The following CDK14 variants were observed in gnomAD, a reference collection of about 807,000 sequenced individuals.
CDK14 encodes the protein cyclin dependent kinase 14.
CDK14 carries 34 observed loss-of-function variants against 60.7 expected under a neutral mutation model. The ratio of observed to expected loss-of-function variants is 0.56; its 90% CI spans 0.43 to 0.75. CDK14 has a LOEUF of 0.75. CDK14 is among the 30% of genes least tolerant of loss of function. The pLI, the probability that CDK14 is intolerant of heterozygous loss-of-function variation, is 0.00. For synonymous variants in CDK14, 197 were observed against 203.7 expected (o/e 0.97, Z 0.28); for missense variants, 482 against 564.1 (o/e 0.85, Z 1.47).
intron 7 of CDK14, among the ~76,000 whole-genome samples, chr7:90,916,124 T>G (rs1251030274): frequency 6.6e-6 from 1 of 152,200 alleles, no homozygotes; most frequent in African/African-American, 2.4e-5. Flanking sequence ...TCTTTCCTTC[T>G]AAACTAAAGG....
At chr7:90,674,009 A>G (rs1308895443) in intron 2 of CDK14, among the ~76,000 whole-genome samples, 1 of 152,204 alleles carries the variant, frequency 6.6e-6, no homozygotes, top group East Asian at 1.9e-4. Flanking sequence ...ATTGGGATGA[A>G]TGTATTATTA....
At position 91,112,558 on chromosome 7, in the gene CDK14, C is replaced by T. The variant is rs867080085; in HGVS notation, c.1171C>T (p.His391Tyr). The T allele has an allele frequency of 6.2e-7, 1 of 1,613,344 alleles. No individual in the cohort carries two copies. Among genetic ancestry groups the T allele is most frequent in the Non-Finnish European group, 8.5e-7 (1 of 1,179,596 alleles). The stretch of plus-strand genomic sequence containing the variant: ...TGTTTTTAGGCTCAGCTATGTGAAC[C>T]ATGCAGAGGACCTGGCCTCCAAGCT... ...QAWNKLSYVNHAEDLASKLLQ... is the reference protein window; with the variant it reads ...QAWNKLSYVNYAEDLASKLLQ... Residue 391 changes from histidine to tyrosine, a missense_variant, in exon 13 of 15, where the codon CAT becomes TAT. Coordinates refer to ENST00000380050, the MANE Select transcript of CDK14 (RefSeq NM_001287135.2).
At chr7:90,806,492 C>T (rs1274388908) in intron 5 of CDK14, among the ~76,000 whole-genome samples, 6 of 152,106 alleles carry the variant, frequency 3.9e-5, no homozygotes, top group Admixed American at 1.3e-4. Context: ...ATATGAATGG[C>T]GAAGATGGCC....
At position 90,899,318 on chromosome 7, in the gene CDK14, A is replaced by G. The variant is rs1169137821; in HGVS notation, c.667A>G (p.Lys223Glu). Residue 223 changes from lysine (K) to glutamate (E), a missense_variant, in exon 7 of 15, where the codon AAG becomes GAG. Transcript: ENST00000380050. ...VHTDLCQYMD[K>E]HPGGLHPDNV... ...CACTGATTTATGTCAGTACATGGAC[A>G]AGCACCCTGGGGGGCTGCATCCAGA... is the stretch of plus-strand genomic sequence containing the variant. 1 of 1,603,168 alleles carries G rather than the reference A, an allele frequency of 6.2e-7. No individual in the cohort carries two copies. Among genetic ancestry groups the G allele is most frequent in the South Asian group, 1.1e-5 (1 of 88,688 alleles).
At chr7:91,189,163 C>A (rs574443409) in intron 14 of CDK14, among the ~76,000 whole-genome samples, 5 of 152,040 alleles carry the variant, frequency 3.3e-5, no homozygotes, top group Non-Finnish European at 7.4e-5. Flanking sequence ...CTTCTTCTTT[C>A]CTTTATGAAT....
chr7:90,943,709 C>G (rs1562838695), intron 8 of CDK14, among the ~76,000 whole-genome samples: 1 of 152,154 alleles, frequency 6.6e-6, no homozygotes, highest in African/African-American at 2.4e-5. Flanking sequence ...TAAAGGGGAT[C>G]TTGAGCTTTA....
At chr7:91,114,122 T>A (rs1799545271) in intron 13 of CDK14, among the ~76,000 whole-genome samples, 1 of 152,128 alleles carries the variant, frequency 6.6e-6, no homozygotes, top group Non-Finnish European at 1.5e-5. Flanking sequence ...AAACATATGG[T>A]TTGTTTTCCC....
intron 6 of CDK14, among the ~76,000 whole-genome samples, chr7:90,898,880 G>C (rs1274816978): frequency 6.6e-6 from 1 of 151,548 alleles, no homozygotes; most frequent in South Asian, 2.1e-4. Flanking sequence ...ATATATTTGT[G>C]GTATTTTTAT....
intron 10 of CDK14, among the ~76,000 whole-genome samples, chr7:91,039,574 T>C (rs952463309): frequency 2.0e-5 from 3 of 152,196 alleles, no homozygotes; most frequent in African/African-American, 7.2e-5. Flanking sequence ...GGGATATCCT[T>C]TGCCTACTCT....
At chr7:90,865,147 C>CT (rs1398049460) in intron 6 of CDK14, among the ~76,000 whole-genome samples, 1 of 151,870 alleles carries the variant, frequency 6.6e-6, no homozygotes, top group African/African-American at 2.4e-5. Context: ...TAACATTTTG[C>CT]TTTTTTGCTG....
At chr7:90,697,348 T>C (rs918997761) in intron 2 of CDK14, among the ~76,000 whole-genome samples, 3 of 152,124 alleles carry the variant, frequency 2.0e-5, no homozygotes, top group Non-Finnish European at 4.4e-5. Context: ...CTTTTTGCAT[T>C]GTGGTGCTAA....
intron 14 of CDK14, among the ~76,000 whole-genome samples, chr7:91,185,017 G>A (rs937375542): frequency 2.6e-5 from 4 of 151,018 alleles, no homozygotes; most frequent in East Asian, 1.9e-4. Context: ...CATACATTGC[G>A]AGTGGTAGCC....
chr7:90,663,737 A>G (rs774858911), intron 2 of CDK14, among the ~76,000 whole-genome samples: 2 of 152,220 alleles, frequency 1.3e-5, no homozygotes, highest in Non-Finnish European at 2.9e-5. Flanking sequence ...TTTGCATTTT[A>G]ATAGTACCTT....
chr7:91,117,204 G>A (rs1278663402), intron 13 of CDK14, among the ~76,000 whole-genome samples: 8 of 150,532 alleles, frequency 5.3e-5, no homozygotes. Flanking sequence ...GTTGATGGAA[G>A]GTATCCCTAA....
intron 6 of CDK14, among the ~76,000 whole-genome samples, chr7:90,889,158 A>T (rs374251147): frequency 3.3e-4 from 50 of 152,204 alleles, no homozygotes; most frequent in African/African-American, 1.0e-3. Context: ...ATATATATGG[A>T]TATAGAAATA....
intron 14 of CDK14, among the ~76,000 whole-genome samples, chr7:91,134,347 C>G (rs1257785851): frequency 6.6e-6 from 1 of 152,134 alleles, no homozygotes; most frequent in Admixed American, 6.5e-5. Context: ...ATCTCCTGAT[C>G]ATGGCATTGT....
At chr7:91,059,489 G>C (rs1797708438) in intron 11 of CDK14, among the ~76,000 whole-genome samples, 1 of 151,964 alleles carries the variant, frequency 6.6e-6, no homozygotes, top group South Asian at 2.1e-4. Flanking sequence ...TCTTTTAATT[G>C]TGATGTTAGG....
intron 10 of CDK14, among the ~76,000 whole-genome samples, chr7:91,018,434 G>A (rs1011643646): frequency 6.6e-6 from 1 of 151,874 alleles, no homozygotes; most frequent in Non-Finnish European, 1.5e-5. Flanking sequence ...TCTGATGAGG[G>A]CCCTCTTTCT....
chr7:90,989,675 G>A (rs17479883), intron 10 of CDK14, among the ~76,000 whole-genome samples: 23,787 of 151,994 alleles, frequency 0.16, 1,971 homozygotes, highest in Non-Finnish European at 0.18. Flanking sequence ...AATACTGAAC[G>A]CTAAGAGTTA....
Sources: gnomAD v4.1 joint callset for allele counts (sites outside exome capture counted in the v4.1 genomes callset) on GRCh38, gnomAD v4.1.1 for gene constraint, MANE v1.5 for transcripts, NCBI Gene and HGNC (gene_info 2026-07-23, HGNC 2026-07-21) for gene names.